The following KIAA0825 variants were observed in gnomAD, a reference collection of about 807,000 sequenced individuals.
KIAA0825 encodes KIAA0825.
A neutral mutation model predicts 147.6 loss-of-function variants in KIAA0825; 119 were observed. The observed-to-expected ratio is 0.81, with a 90% confidence interval of 0.69 to 0.94. The LOEUF is 0.94. KIAA0825 is among the 40% of genes least tolerant of loss of function. The pLI, the probability that KIAA0825 is intolerant of heterozygous loss-of-function variation, is 0.00. For synonymous variants in KIAA0825, 470 were observed against 518.1 expected, an observed-to-expected ratio of 0.91 and a Z score of 1.26; for missense variants, 1,381 against 1,472.7, an observed-to-expected ratio of 0.94 and a Z score of 1.02.
chr5:94,510,070 T>C (rs1178912408), intron 5 of KIAA0825, among the ~76,000 whole-genome samples: 1 of 152,156 alleles, frequency 6.6e-6, no homozygotes, highest in Non-Finnish European at 1.5e-5. Context: ...ATCAAAAAAT[T>C]TGGAGGCAAT....
In KIAA0825 at chr5:94,153,028, TA is replaced by T. The variant is rs1285352740; in HGVS notation, c.*978del. 1 of 149,204 alleles carries T rather than the reference TA, an allele frequency of 6.7e-6. No individual in the cohort carries two copies. The highest frequency in any genetic ancestry group is 2.5e-5 in the African/African-American group (1 of 40,632). The allele number at this position is 149,204 out of a possible 1,614,324, so 9.2% of individuals were successfully genotyped here. A position where few individuals can be genotyped will look rare whatever the true frequency, so the allele number is the denominator to read the frequency against. On this transcript the variant is annotated 3_prime_UTR_variant, in exon 21 of 21. Coordinates refer to ENST00000682413, the MANE Select transcript of KIAA0825 (RefSeq NM_001145678.3). ...TCCACTTGATGAAATAACACTGTAGTAGGCATACAGGGAGTTATAAAGGGAG... is the reference window on the plus strand; with the variant it reads ...TCCACTTGATGAAATAACACTGTAGTGGCATACAGGGAGTTATAAAGGGAG...
chr5:94,544,460 C>T (rs533300906), intron 2 of KIAA0825, among the ~76,000 whole-genome samples: 8 of 152,142 alleles, frequency 5.3e-5, no homozygotes, highest in Non-Finnish European at 1.0e-4. Flanking sequence ...GGCATTACTC[C>T]AGGGAATGGC....
chr5:94,414,546 C>G (rs1475034910), intron 15 of KIAA0825: 1 of 152,108 alleles, frequency 6.6e-6, no homozygotes, highest in African/African-American at 2.4e-5. Context: ...GTCATCCCTC[C>G]CTAGCTTATG....
chr5:94,552,026 A>T (rs1035190577), intron 2 of KIAA0825, among the ~76,000 whole-genome samples: 2 of 152,118 alleles, frequency 1.3e-5, no homozygotes, highest in Non-Finnish European at 2.9e-5. Flanking sequence ...CCCACAAAAA[A>T]ACTACCCTCA....
intron 20 of KIAA0825, among the ~76,000 whole-genome samples, chr5:94,179,658 G>C (rs1378581996): frequency 6.6e-6 from 1 of 152,018 alleles, no homozygotes; most frequent in Non-Finnish European, 1.5e-5. Flanking sequence ...AGGTGCTGGA[G>C]AAGGGATAAT....
intron 20 of KIAA0825, among the ~76,000 whole-genome samples, chr5:94,375,696 T>C (rs1431885088): frequency 3.3e-5 from 5 of 152,174 alleles, no homozygotes; most frequent in African/African-American, 1.2e-4. Context: ...TCACATTAGA[T>C]GGCTTTACTA....
chr5:94,254,843 A>C (rs1356743520), intron 20 of KIAA0825, among the ~76,000 whole-genome samples: 1 of 152,058 alleles, frequency 6.6e-6, no homozygotes, highest in East Asian at 1.9e-4. Context: ...AACAGTCTGA[A>C]GACACAGTAA....
At chr5:94,197,861 T>C (rs1771284918) in intron 20 of KIAA0825, among the ~76,000 whole-genome samples, 1 of 152,214 alleles carries the variant, frequency 6.6e-6, no homozygotes, top group Non-Finnish European at 1.5e-5. Context: ...CCATGCTGTT[T>C]GGTTACCATA....
intron 4 of KIAA0825, among the ~76,000 whole-genome samples, chr5:94,521,396 C>A (rs1768169188): frequency 6.6e-6 from 1 of 151,672 alleles, no homozygotes; most frequent in Admixed American, 6.6e-5. Flanking sequence ...ACTTTAAAAT[C>A]ATTCTAGAAT....
intron 2 of KIAA0825, among the ~76,000 whole-genome samples, chr5:94,549,321 A>G (rs1775062122): frequency 6.6e-6 from 1 of 152,222 alleles, no homozygotes; most frequent in Admixed American, 6.5e-5. Flanking sequence ...CATGGATATT[A>G]AATAATATGC....
At chr5:94,451,102 T>G (rs1355568014) in intron 13 of KIAA0825, among the ~76,000 whole-genome samples, 1 of 152,224 alleles carries the variant, frequency 6.6e-6, no homozygotes, top group African/African-American at 2.4e-5. Context: ...GCATTGTGTC[T>G]GGTACACACT....
Position 94,453,741 on chromosome 5 carries a change from C to T in KIAA0825, c.2247-672G>A, listed in dbSNP as rs559801780. On this transcript the variant is annotated intron_variant, in intron 12 of 20. Transcript: ENST00000682413. ...TGTTATATAATTTGTCATGACAAAA[C>T]GATGAAGAATAGTACAATGAATATT... Among the ~76,000 whole-genome samples, 29 of 152,014 alleles carry T rather than the reference C, an allele frequency of 1.9e-4. No individual in the cohort carries two copies. The East Asian group carries it at 5.0e-3, about 26-fold the overall frequency.
rs754770166 is a variant in KIAA0825, at chr5:94,507,462, C to T, written c.970+12786G>A. On this transcript the variant is annotated intron_variant, in intron 5 of 20. Coordinates refer to ENST00000682413, the MANE Select transcript of KIAA0825 (RefSeq NM_001145678.3). Reference sequence around the variant, plus strand: ...GCAAGACACCGTCCCCCCGCCCCCCCCAAAAAAACCTGACAGGCTATCAAA... The same window carrying T: ...GCAAGACACCGTCCCCCCGCCCCCCTCAAAAAAACCTGACAGGCTATCAAA... 6.0e-5 allele frequency among the ~76,000 whole-genome samples: 9 copies of T among 151,148 alleles called. No homozygotes were observed. The East Asian group carries it at 1.6e-3, about 26-fold the overall frequency.
chr5:94,184,015 G>A (rs1415300318), intron 20 of KIAA0825, among the ~76,000 whole-genome samples: 3 of 152,154 alleles, frequency 2.0e-5, no homozygotes, highest in African/African-American at 7.2e-5. Flanking sequence ...CATCCAAAAT[G>A]AGGGGCAATC....
At chr5:94,420,754 C>A (rs892877561) in intron 14 of KIAA0825, among the ~76,000 whole-genome samples, 2 of 151,306 alleles carry the variant, frequency 1.3e-5, no homozygotes, top group East Asian at 1.9e-4. Context: ...GGAAGGAAGG[C>A]AGAAAAAATA....
chr5:94,430,292 C>T (rs1755496094), intron 14 of KIAA0825, among the ~76,000 whole-genome samples: 1 of 152,198 alleles, frequency 6.6e-6, no homozygotes, highest in Admixed American at 6.5e-5. Context: ...CTGCCTGGTA[C>T]ATACTTGATG....
chr5:94,478,951 C>G (rs967808941), intron 6 of KIAA0825, among the ~76,000 whole-genome samples: 8 of 152,048 alleles, frequency 5.3e-5, no homozygotes, highest in Non-Finnish European at 1.0e-4. Flanking sequence ...TATTTTTTAG[C>G]AAAGTTTCCA....
intron 3 of KIAA0825, among the ~76,000 whole-genome samples, chr5:94,530,762 C>T (rs1770634066): frequency 6.6e-6 from 1 of 152,122 alleles, no homozygotes; most frequent in East Asian, 1.9e-4. Context: ...TTATAGTGTT[C>T]CCTCCCCTGT....
chr5:94,375,452 C>G (rs537218284), intron 20 of KIAA0825, among the ~76,000 whole-genome samples: 62 of 152,258 alleles, frequency 4.1e-4, no homozygotes, highest in African/African-American at 1.4e-3. Context: ...TGTCCCTCCA[C>G]TCCAGGTGTT....
Sources: allele counts gnomAD v4.1 joint callset (sites outside exome capture counted in the v4.1 genomes callset), GRCh38; gene constraint gnomAD v4.1.1; transcripts MANE v1.5; gene names NCBI Gene and HGNC (gene_info 2026-07-23, HGNC 2026-07-21).